Variants in ZNF334 observed in about 807,000 individuals in gnomAD.
The protein encoded by ZNF334 is zinc finger protein 334.
Under a neutral mutation model 12.4 loss-of-function variants are expected in ZNF334, and 14 were observed. That is an observed-to-expected ratio of 1.13 (90% CI 0.74 to 1.76). The LOEUF (loss-of-function observed/expected upper bound fraction) is 1.76. Among genes scored for constraint, ZNF334 ranks in the 40% most tolerant of loss-of-function variants. The pLI is 0.00. For synonymous variants in ZNF334, 273 were observed against 269.6 expected (o/e 1.01, Z -0.12); for missense variants, 797 against 804.5 (o/e 0.99, Z 0.11).
At chr20:46,468,803 G>T in the ZNF334 span, among the ~76,000 whole-genome samples, 424 of 152,146 alleles carry the variant, frequency 2.8e-3, no homozygotes, top group African/African-American at 9.5e-3. Flanking sequence ...TCTTTAACAT[G>T]GTCTGCAGTC....
At chr20:46,496,002 T>TAGAA (rs2061016686), downstream of ZNF334, among the ~76,000 whole-genome samples, 1 of 152,166 alleles carries the variant, frequency 6.6e-6, no homozygotes, top group Non-Finnish European at 1.5e-5. Context: ...TATGGCTACA[T>TAGAA]TGCAGGAACC....
intron 2 of ZNF334, among the ~76,000 whole-genome samples, chr20:46,511,048 T>C (rs2061631849): frequency 6.6e-6 from 1 of 151,824 alleles, no homozygotes; most frequent in Non-Finnish European, 1.5e-5. Flanking sequence ...GGGCTAACAA[T>C]GGCATAGCAA....
At chr20:46,511,618 T>C (rs1290767107) in intron 2 of ZNF334, among the ~76,000 whole-genome samples, 1 of 152,236 alleles carries the variant, frequency 6.6e-6, no homozygotes, top group East Asian at 1.9e-4. Flanking sequence ...ATAGGTTTTA[T>C]CCATTTATTC....
Position 46,502,526 on chromosome 20 carries a change from CCTACAATCA to C in ZNF334, c.804_812del (p.Ser268_Cys270del). The C allele has an allele frequency of 6.2e-7, 1 of 1,613,356 alleles. No individual in the cohort carries two copies. The highest frequency in any genetic ancestry group is 8.5e-7 in the Non-Finnish European group (1 of 1,179,592). On this transcript the variant is annotated inframe_deletion, in exon 5 of 5. Transcript: ENST00000692313. ...GGCTTGTCTTCACACGAAAAGTTTT[CCTACAATCA>C]CTACAAACATACGGTTTCTCCCCTG...
intron 2 of ZNF334, among the ~76,000 whole-genome samples, chr20:46,510,144 A>ATTCCCCATC (rs1460414740): frequency 3.3e-5 from 5 of 152,206 alleles, no homozygotes; most frequent in African/African-American, 9.6e-5. Flanking sequence ...AGGATGCTGA[A>ATTCCCCATC]CTTGTATTCT....
Position 46,502,431 on chromosome 20 carries a change from A to G in ZNF334, c.908T>C (p.Ile303Thr), listed in dbSNP as rs145628046. The change falls in exon 5 of 5, where the codon ATT becomes ACT. Residue 303 changes from isoleucine (I) to threonine (T), a missense_variant. Physicochemically the swap from Ile to Thr is moderately conservative, Grantham distance 89. Transcript: ENST00000692313. Reference protein sequence around the residue: ...YECSECRKTFIDKSALIVHQK... With the variant: ...YECSECRKTFTDKSALIVHQK... ...GTGTACAATAAGGGCAGATTTGTCA[A>G]TGAAGGTTTTCCTGCATTCACTGCA... The G allele has an allele frequency of 3.7e-6, 6 of 1,614,086 alleles. No homozygotes were observed. Among genetic ancestry groups the G allele is most frequent in the Non-Finnish European group, 5.1e-6 (6 of 1,180,010 alleles).
At chr20:46,462,360 C>T in the ZNF334 span, among the ~76,000 whole-genome samples, 5 of 152,132 alleles carry the variant, frequency 3.3e-5, no homozygotes, top group East Asian at 3.9e-4. Context: ...CTGGGATTAC[C>T]GTCTCCTCCC....
the ZNF334 span, chr20:46,477,270 C>A: frequency 6.6e-6 from 1 of 151,724 alleles, no homozygotes; most frequent in Non-Finnish European, 1.5e-5. Context: ...AGGAAGGCAC[C>A]TTTTTAGGAA....
chr20:46,480,906 T>C, the ZNF334 span: 2 of 152,202 alleles, frequency 1.3e-5, no homozygotes, highest in Non-Finnish European at 2.9e-5. Context: ...GAGACCCCAG[T>C]ATCCAAAATC....
chr20:46,471,785 TTTAA>T, the ZNF334 span, among the ~76,000 whole-genome samples: 1 of 152,234 alleles, frequency 6.6e-6, no homozygotes. Context: ...GTTTCTTTCC[TTTAA>T]TTATCTGTTC....
At position 46,513,470 on chromosome 20, in the gene ZNF334, T is replaced by G. The variant is rs1015592219; in HGVS notation, c.-969A>C. 6.6e-6 allele frequency: 1 copy of G among 152,186 alleles called. No homozygotes were observed. Among genetic ancestry groups the G allele is most frequent in the Non-Finnish European group, 1.5e-5 (1 of 68,106 alleles). 9.4% of individuals were successfully genotyped at this position (152,186 alleles called of 1,614,324 possible). On this transcript the variant is annotated 5_prime_UTR_variant, in exon 1 of 5. Coordinates refer to ENST00000692313, the MANE Select transcript of ZNF334 (RefSeq NM_001353824.2). ...GCCAGCCCTTCCTATAGGTTGTGGG[T>G]GCACCCGCTTCGCCTCCAGTTCGCA...
chr20:46,509,481 T>C (rs1051378079), intron 2 of ZNF334: 12 of 675,088 alleles, frequency 1.8e-5, no homozygotes, highest in Non-Finnish European at 2.5e-5. Context: ...GCAAGTTTCC[T>C]CAGCAGGAGC....
chr20:46,501,672 T>C lies in ZNF334; in HGVS notation c.1667A>G (p.Lys556Arg). ...CNECGRTYCRKSALTHHQRTH... is the reference protein window; with the variant it reads ...CNECGRTYCRRSALTHHQRTH... ...TCTCTGATGGTGAGTCAGGGCTGAC[T>C]TCCTGCAGTAGGTTCTCCCACATTC... Residue 556 changes from lysine to arginine, a missense_variant, in exon 5 of 5, where the codon AAG becomes AGG. Transcript: ENST00000692313. 1 of 1,614,182 alleles carries C rather than the reference T, an allele frequency of 6.2e-7. No homozygotes were observed. The highest frequency in any genetic ancestry group is 1.1e-5 in the South Asian group (1 of 91,090).
At chr20:46,507,055 A>C (rs1231404032) in intron 2 of ZNF334, among the ~76,000 whole-genome samples, 4 of 151,984 alleles carry the variant, frequency 2.6e-5, no homozygotes, top group Non-Finnish European at 4.4e-5. Context: ...TCAAGACTTT[A>C]GTGAGCTATG....
At chr20:46,497,676 A>G (rs1182774159), downstream of ZNF334, among the ~76,000 whole-genome samples, 2 of 152,386 alleles carry the variant, frequency 1.3e-5, no homozygotes, top group Middle Eastern at 3.4e-3. Context: ...CACTGTAGTG[A>G]AAGACAAATG....
chr20:46,502,320 A>C lies in ZNF334; in HGVS notation c.1019T>G (p.Phe340Cys). 6.2e-7 allele frequency: 1 copy of C among 1,614,002 alleles called. No individual in the cohort carries two copies. The highest frequency in any genetic ancestry group is 8.5e-7 in the Non-Finnish European group (1 of 1,179,978). ...FFRKSALAEH[F>C]RSHTGEKPYE... ...AGGCTTCTCCCCTGTGTGTGACCTG[A>C]AATGTTCAGCCAGGGCTGACTTCCG... The change falls in exon 5 of 5, where the codon TTC (phenylalanine) becomes TGC (cysteine). Residue 340 changes from phenylalanine (F) to cysteine (C), a missense_variant. Phe to Cys is a radical substitution (Grantham distance 205). Transcript: ENST00000692313.
At chr20:46,510,198 T>C (rs1052043557) in intron 2 of ZNF334, among the ~76,000 whole-genome samples, 31 of 152,078 alleles carry the variant, frequency 2.0e-4, no homozygotes, top group Admixed American at 2.0e-3. Flanking sequence ...TATTAAGACA[T>C]GATCACGTTG....
intron 2 of ZNF334, 68 bp downstream of exon 2, chr20:46,512,014 C>G: frequency 2.0e-6 from 3 of 1,519,648 alleles, no homozygotes; most frequent in South Asian, 2.3e-5. Flanking sequence ...TTCGTTTCAT[C>G]TGCAAACTAC....
intron 2 of ZNF334, among the ~76,000 whole-genome samples, chr20:46,507,749 T>C (rs184825019): frequency 6.6e-6 from 1 of 152,340 alleles, no homozygotes; most frequent in Admixed American, 6.5e-5. Flanking sequence ...TGACAAATTT[T>C]ATTAGGTAAT....
Sources: gnomAD v4.1 joint callset for allele counts (sites outside exome capture counted in the v4.1 genomes callset) on GRCh38, gnomAD v4.1.1 for gene constraint, MANE v1.5 for transcripts, NCBI Gene and HGNC (gene_info 2026-07-23, HGNC 2026-07-21) for gene names.